The following FER variants were observed in gnomAD, a reference collection of about 807,000 sequenced individuals.
The protein encoded by FER is FER tyrosine kinase, also known as tyrosine-protein kinase Fer.
Under a neutral mutation model 111.0 loss-of-function variants are expected in FER, and 63 were observed. That is an observed-to-expected ratio of 0.57 (90% confidence interval 0.46 to 0.70). The LOEUF is 0.70. Among genes scored for constraint, FER ranks in the 30% least tolerant of loss-of-function variants. The pLI is 0.00. For missense variants in FER, 914 were observed against 954.0 expected, an observed-to-expected ratio of 0.96 and a Z score of 0.55; for synonymous variants, 327 against 313.9, an observed-to-expected ratio of 1.04 and a Z score of -0.44.
rs553490196 is a variant in FER at position 109,044,108 on chromosome 5, T to A, written c.1714-572T>A. Among the ~76,000 whole-genome samples, 3 of 152,262 alleles carry A rather than the reference T, an allele frequency of 2.0e-5. No individual in the cohort carries two copies. In the South Asian group the frequency reaches 6.2e-4, roughly 32 times the overall value. On this transcript the variant is annotated intron_variant, in intron 14 of 19. Transcript: ENST00000281092. ...TTAGTCTTGTTTATCTTCTCGGTAA[T>A]GTTTTGGATTTAATTTTAAAAAATA...
intron 5 of FER, among the ~76,000 whole-genome samples, chr5:108,855,435 A>G (rs1580889939): frequency 6.6e-6 from 1 of 151,592 alleles, no homozygotes; most frequent in African/African-American, 2.4e-5. Flanking sequence ...GATCGAGACC[A>G]CGGTGAAATC....
At chr5:108,848,871 T>C (rs1762279691) in intron 5 of FER, among the ~76,000 whole-genome samples, 1 of 152,098 alleles carries the variant, frequency 6.6e-6, no homozygotes. Flanking sequence ...AAGTAATGAA[T>C]TATGTATGTC....
chr5:108,780,293 A>G (rs1164484570), intron 2 of FER, among the ~76,000 whole-genome samples: 1 of 152,078 alleles, frequency 6.6e-6, no homozygotes, highest in Non-Finnish European at 1.5e-5. Context: ...TACTGGCAAC[A>G]AATTCCCTCA....
At chr5:109,103,532 A>G (rs1232385932) in intron 17 of FER, among the ~76,000 whole-genome samples, 1 of 152,178 alleles carries the variant, frequency 6.6e-6, no homozygotes, top group African/African-American at 2.4e-5. Context: ...TTTAACTTCC[A>G]GAAGAGTTCT....
chr5:109,042,274 GCTTCATGA>G (rs1311291263), intron 14 of FER, among the ~76,000 whole-genome samples: 2 of 152,084 alleles, frequency 1.3e-5, no homozygotes, highest in Non-Finnish European at 2.9e-5. Context: ...ATGAAGTCAT[GCTTCATGA>G]CTTTTTGTCT....
chr5:108,907,729 CAGAT>C (rs1400831490), intron 10 of FER, among the ~76,000 whole-genome samples: 1 of 152,130 alleles, frequency 6.6e-6, no homozygotes, highest in Non-Finnish European at 1.5e-5. Context: ...AAGAAAACAT[CAGAT>C]AGAACTAAGT....
intron 15 of FER, among the ~76,000 whole-genome samples, chr5:109,046,885 T>C (rs1242238754): frequency 6.6e-6 from 1 of 152,130 alleles, no homozygotes; most frequent in South Asian, 2.1e-4. Flanking sequence ...TGCATAGATT[T>C]CTGTATCCAC....
At chr5:109,069,840 A>G (rs1775562294) in intron 16 of FER, among the ~76,000 whole-genome samples, 1 of 152,134 alleles carries the variant, frequency 6.6e-6, no homozygotes, top group African/African-American at 2.4e-5. Context: ...AAAACCTTAA[A>G]TGTAATGGAT....
intron 13 of FER, among the ~76,000 whole-genome samples, chr5:108,972,107 C>A (rs1021028054): frequency 6.6e-6 from 1 of 151,784 alleles, no homozygotes; most frequent in Non-Finnish European, 1.5e-5. Context: ...ACATTGAGGA[C>A]ACATTTGATA....
intron 5 of FER, among the ~76,000 whole-genome samples, chr5:108,861,765 AT>A (rs1312500157): frequency 6.6e-6 from 1 of 152,166 alleles, no homozygotes; most frequent in African/African-American, 2.4e-5. Flanking sequence ...TTTTGCAATA[AT>A]TTTGTTAAGT....
chr5:109,038,183 TA>T (rs1455115043), intron 14 of FER, among the ~76,000 whole-genome samples: 1 of 151,960 alleles, frequency 6.6e-6, no homozygotes, highest in African/African-American at 2.4e-5. Flanking sequence ...CTTTTATTTA[TA>T]ATTGAGTTCC....
intron 14 of FER, among the ~76,000 whole-genome samples, chr5:109,044,372 G>A (rs556581198): frequency 1.3e-5 from 2 of 151,876 alleles, no homozygotes; most frequent in African/African-American, 4.8e-5. Context: ...TAGTAGAGAC[G>A]GGGTTTCACT....
intron 17 of FER, among the ~76,000 whole-genome samples, chr5:109,143,040 T>C (rs969994673): frequency 1.3e-5 from 2 of 152,140 alleles, no homozygotes; most frequent in African/African-American, 4.8e-5. Flanking sequence ...CTTGCACCAC[T>C]TCTGGCCACT....
At chr5:108,853,576 T>C (rs1762728610) in intron 5 of FER, among the ~76,000 whole-genome samples, 1 of 152,214 alleles carries the variant, frequency 6.6e-6, no homozygotes, top group African/African-American at 2.4e-5. Context: ...AAGAGTACTC[T>C]AGGTAGAGGG....
intron 17 of FER, among the ~76,000 whole-genome samples, chr5:109,145,183 A>G (rs1452412695): frequency 6.6e-6 from 1 of 151,962 alleles, no homozygotes; most frequent in African/African-American, 2.4e-5. Flanking sequence ...AAACTTTCTG[A>G]TAGCTCCAAT....
intron 19 of FER, among the ~76,000 whole-genome samples, chr5:109,187,227 T>C (rs1758977181): frequency 6.6e-6 from 1 of 152,220 alleles, no homozygotes; most frequent in South Asian, 2.1e-4. Context: ...AAAAATGTTC[T>C]TTGAATTAGA....
intron 17 of FER, among the ~76,000 whole-genome samples, chr5:109,103,695 A>C (rs1748541093): frequency 6.6e-6 from 1 of 152,118 alleles, no homozygotes; most frequent in Non-Finnish European, 1.5e-5. Flanking sequence ...TACTTTATGA[A>C]CTGTTTGAAA....
At chr5:109,061,805 G>A (rs1048615063) in intron 16 of FER, among the ~76,000 whole-genome samples, 2 of 152,184 alleles carry the variant, frequency 1.3e-5, no homozygotes, top group African/African-American at 4.8e-5. Flanking sequence ...ACTTCCTAGT[G>A]TCTAATATGC....
intron 6 of FER, among the ~76,000 whole-genome samples, chr5:108,869,554 G>A (rs2150241522): frequency 6.6e-6 from 1 of 152,214 alleles, no homozygotes; most frequent in East Asian, 1.9e-4. Context: ...AAGAAGACGG[G>A]AGGAAGGACA....
Sources: allele counts gnomAD v4.1 joint callset (sites outside exome capture counted in the v4.1 genomes callset), GRCh38; gene constraint gnomAD v4.1.1; transcripts MANE v1.5; gene names NCBI Gene and HGNC (gene_info 2026-07-23, HGNC 2026-07-21).